FREM3: variants seen among roughly 807,000 people sequenced by gnomAD.
The protein encoded by FREM3 is FRAS1-related extracellular matrix protein 3.
A neutral mutation model predicts 129.1 loss-of-function variants in FREM3; 105 were observed. That is an observed-to-expected ratio of 0.81 (90% CI 0.69 to 0.96). The LOEUF is 0.96. Ranked by LOEUF, FREM3 falls within the 40% of genes least tolerant of loss-of-function variation. FREM3 has a pLI of 0.00. For missense variants in FREM3, 2,593 were observed against 2,666.3 expected (o/e 0.97, Z 0.61); for synonymous variants, 1,014 against 1,044.9 (o/e 0.97, Z 0.57).
intron 5 of FREM3, among the ~76,000 whole-genome samples, chr4:143,616,027 A>G (rs752385956): frequency 2.0e-5 from 3 of 152,212 alleles, no homozygotes; most frequent in Non-Finnish European, 4.4e-5. Flanking sequence ...TTGGAGGAAA[A>G]CATTTTCAAG....
intron 2 of FREM3, among the ~76,000 whole-genome samples, chr4:143,646,915 A>G (rs896337024): frequency 2.0e-5 from 3 of 152,140 alleles, no homozygotes; most frequent in Admixed American, 6.5e-5. Context: ...AACTTCCTAG[A>G]GACTTGTAGG....
intron 2 of FREM3, among the ~76,000 whole-genome samples, chr4:143,661,151 T>C (rs1739712342): frequency 6.6e-6 from 1 of 152,230 alleles, no homozygotes; most frequent in Non-Finnish European, 1.5e-5. Flanking sequence ...AGGGCATCCC[T>C]GTCTTGTGCC....
At chr4:143,664,153 G>T (rs528383435) in intron 2 of FREM3, among the ~76,000 whole-genome samples, 18 of 152,224 alleles carry the variant, frequency 1.2e-4, no homozygotes, top group Non-Finnish European at 2.5e-4. Context: ...TGGAGGAGGA[G>T]AGGCGCTCTG....
chr4:143,663,270 G>A (rs992684531), intron 2 of FREM3, among the ~76,000 whole-genome samples: 8 of 152,002 alleles, frequency 5.3e-5, no homozygotes, highest in African/African-American at 1.7e-4. Context: ...CTCTTTTAGG[G>A]CAGGCCTGGT....
intron 2 of FREM3, among the ~76,000 whole-genome samples, chr4:143,683,430 T>G (rs1740293912): frequency 6.6e-6 from 1 of 152,228 alleles, no homozygotes; most frequent in African/African-American, 2.4e-5. Flanking sequence ...GAAGGTCTGT[T>G]TGCAGAAGTT....
rs535413703 is a variant in FREM3, at chr4:143,675,704, G to A, written c.5275+17409C>T. On this transcript the variant is annotated intron_variant, in intron 2 of 7. Transcript: ENST00000329798. ...ACAGATGCAATAAAAAATGATAAAG[G>A]GGATATCACCACTGATCCCACAGAA... Among the ~76,000 whole-genome samples, 323 of 152,176 alleles carry A rather than the reference G, an allele frequency of 2.1e-3. 1 individual carries two copies. The highest frequency in any genetic ancestry group is 7.1e-3 in the African/African-American group (295 of 41,520).
Position 143,611,509 on chromosome 4 carries a change from A to T in FREM3, c.5798T>A (p.Ile1933Asn). Reference protein sequence around the residue: ...STRQGSATGTISSTVLFSDYI... With the variant: ...STRQGSATGTNSSTVLFSDYI... ...ATCAGAGAATAACACTGTGGAAGAA[A>T]TCGTGCCTGTGGCAGAACCTACAGA... is the stretch of plus-strand genomic sequence containing the variant. The change falls in exon 6 of 8, where the codon ATT (isoleucine) becomes AAT (asparagine). Residue 1933 changes from isoleucine to asparagine, a missense_variant. Physicochemically the swap from Ile to Asn is moderately radical, Grantham distance 149 (BLOSUM62 -3). This residue lies in a region of FREM3 where 317 missense variants were observed against 399.0 expected (regional missense o/e 0.79). Coordinates refer to ENST00000329798, the MANE Select transcript of FREM3 (RefSeq NM_001168235.2). 1 of 1,537,048 alleles carries T rather than the reference A, an allele frequency of 6.5e-7. No homozygotes were observed. Among genetic ancestry groups the T allele is most frequent in the Non-Finnish European group, 8.7e-7 (1 of 1,146,756 alleles).
chr4:143,586,493 G>C (rs1371432055), intron 6 of FREM3, among the ~76,000 whole-genome samples: 1 of 152,090 alleles, frequency 6.6e-6, no homozygotes, highest in African/African-American at 2.4e-5. Flanking sequence ...GGAAATCCTG[G>C]GGCAGTGAAT....
chr4:143,602,022 T>C (rs1738581467), intron 6 of FREM3: 1 of 152,122 alleles, frequency 6.6e-6, no homozygotes, highest in Non-Finnish European at 1.5e-5. Flanking sequence ...AGATACTGTG[T>C]CATCATTTGG....
Position 143,611,421 on chromosome 4 carries a change from C to T in FREM3, c.5886G>A (p.Lys1962=). The T allele has an allele frequency of 6.5e-7, 1 of 1,537,186 alleles. No individual in the cohort carries two copies. The highest frequency in any genetic ancestry group is 2.4e-5 in the East Asian group (1 of 40,914). The change falls in exon 6 of 8, where the codon AAG becomes AAA. Residue 1962 remains lysine, a synonymous_variant. Coordinates refer to ENST00000329798, the MANE Select transcript of FREM3 (RefSeq NM_001168235.2). ...CATCAATGATCAGGACCTGGCAGGT[C>T]TTCTGTGTCTCATTCTTGTCAAAGT... ...ILHFDKNETQ[K]TCQVLIIDDS... is the part of the protein sequence containing the mutation.
chr4:143,580,090 A>T (rs1166379641), intron 7 of FREM3, among the ~76,000 whole-genome samples: 1 of 152,166 alleles, frequency 6.6e-6, no homozygotes, highest in Non-Finnish European at 1.5e-5. Flanking sequence ...CTGTCTGAAA[A>T]CTTAAAAAAG....
rs138237701 is a variant in FREM3 at position 143,623,272 on chromosome 4, G to T, written c.5653+836C>A. Among the ~76,000 whole-genome samples the T allele has an allele frequency of 2.2e-3, 331 of 152,220 alleles. 2 individuals carry two copies. The highest frequency in any genetic ancestry group is 7.6e-3 in the African/African-American group (314 of 41,522). ...GAAATTTGGAATAGTTCCTAGACTT[G>T]TTTGATCATGGAAAGCTTTCCATCC... On this transcript the variant is annotated intron_variant, in intron 4 of 7. Transcript: ENST00000329798.
intron 2 of FREM3, among the ~76,000 whole-genome samples, chr4:143,642,297 TAAC>T (rs940066335): frequency 1.8e-4 from 27 of 152,190 alleles, no homozygotes; most frequent in African/African-American, 6.0e-4. Flanking sequence ...ACAGAAGAGA[TAAC>T]AATAATAGAA....
rs191156190 is a variant in FREM3 at position 143,590,509 on chromosome 4, T to C, written c.6029-4516A>G. 4.4e-3 allele frequency among the ~76,000 whole-genome samples: 668 copies of C among 152,340 alleles called. 4 individuals are homozygous for C. The highest frequency in any genetic ancestry group is 0.015 in the African/African-American group (641 of 41,568). ...TATTGAGATAATCACGTGTTTTTTG[T>C]CTTTGGTTCTGTTTATATGCTGGAT... On this transcript the variant is annotated intron_variant, in intron 6 of 7. Transcript: ENST00000329798.
At chr4:143,689,584 G>A (rs1441544915) in intron 2 of FREM3, among the ~76,000 whole-genome samples, 3 of 151,980 alleles carry the variant, frequency 2.0e-5, no homozygotes, top group Admixed American at 6.6e-5. Flanking sequence ...TTGCACACGC[G>A]TGTTTACAGC....
intron 3 of FREM3, among the ~76,000 whole-genome samples, chr4:143,626,818 G>C (rs891383541): frequency 5.9e-5 from 9 of 152,056 alleles, no homozygotes; most frequent in Non-Finnish European, 8.8e-5. Context: ...TTCTTCCCTG[G>C]CTTCTCTCCA....
At chr4:143,588,902 C>CATCCT (rs1412900382) in intron 6 of FREM3, among the ~76,000 whole-genome samples, 1 of 151,110 alleles carries the variant, frequency 6.6e-6, no homozygotes, top group East Asian at 1.9e-4. Flanking sequence ...CTCTCCAGCA[C>CATCCT]CTGTCGTTTC....
Position 143,627,636 on chromosome 4 carries a change from G to T in FREM3, c.5400C>A (p.Tyr1800Ter), listed in dbSNP as rs1350623129. Residue 1800 changes from tyrosine to a stop codon, truncating the protein, a stop_gained, in exon 3 of 8, where the codon TAC becomes TAA. Transcript: ENST00000329798. LOFTEE classifies it high-confidence loss of function. ...TACTGATAAATGATGTTTCTCCAAG[G>T]TATCCTCTGCGTGTAAGGGTCACTT... ...FLEVTLTRRG[Y>*]LGETSFISIG... 6.5e-7 allele frequency: 1 copy of T among 1,535,950 alleles called. No homozygotes were observed. The highest frequency in any genetic ancestry group is 2.0e-5 in the Admixed American group (1 of 50,950).
rs1242332976 is a variant in FREM3 at position 143,698,537 on chromosome 4, C to A, written c.2139G>T (p.Met713Ile). The A allele has an allele frequency of 1.3e-6, 2 of 1,537,548 alleles. No homozygotes were observed. The highest frequency in any genetic ancestry group is 1.7e-6 in the Non-Finnish European group (2 of 1,147,022). The change falls in exon 1 of 8, where the codon ATG becomes ATT. Residue 713 changes from methionine (M) to isoleucine (I), a missense_variant. This residue lies in a region of FREM3 where 2,276 missense variants were observed against 2,267.2 expected (regional missense o/e 1.00). Transcript: ENST00000329798. ...PQLYPGTTLE[M>I]TVQEYQLTHF... The stretch of plus-strand genomic sequence containing the variant: ...GAGTGAGTTGGTATTCTTGTACAGT[C>A]ATTTCTAGTGTAGTTCCTGGATACA...
Sources: allele counts gnomAD v4.1 joint callset (sites outside exome capture counted in the v4.1 genomes callset), GRCh38; gene constraint gnomAD v4.1.1; regional missense constraint gnomAD v4.1.1; transcripts MANE v1.5; gene names NCBI Gene and HGNC (gene_info 2026-07-23, HGNC 2026-07-21).